Variants in PTPRR observed in about 807,000 individuals in gnomAD.
PTPRR encodes protein tyrosine phosphatase receptor type R, also known as receptor-type tyrosine-protein phosphatase R.
In PTPRR, 38 loss-of-function variants were observed where a neutral mutation model predicts 77.2. The ratio of observed to expected loss-of-function variants is 0.49; its 90% CI spans 0.38 to 0.65. The LOEUF (loss-of-function observed/expected upper bound fraction) is 0.65, where lower values mean the gene tolerates loss of function less well. PTPRR is among the 30% of genes least tolerant of loss of function. The probability of loss-of-function intolerance (pLI) is 0.00; values close to 1 mark genes in which losing one functional copy is unlikely to be tolerated. For synonymous variants in PTPRR, 299 were observed against 283.1 expected (o/e 1.06, Z -0.57); for missense variants, 744 against 799.2 (o/e 0.93, Z 0.83).
intron 13 of PTPRR, among the ~76,000 whole-genome samples, chr12:70,652,254 A>G (rs988200939): frequency 2.4e-4 from 37 of 152,328 alleles, no homozygotes; most frequent in African/African-American, 8.7e-4. Flanking sequence ...AATTTTTAAA[A>G]TGAGGTATGA....
At chr12:70,867,908 A>G (rs1480579410) in intron 2 of PTPRR, among the ~76,000 whole-genome samples, 1 of 152,212 alleles carries the variant, frequency 6.6e-6, no homozygotes, top group Non-Finnish European at 1.5e-5. Flanking sequence ...CTGATCTTTG[A>G]CAAACCTGAC....
At chr12:70,778,819 G>A (rs1232085064) in intron 2 of PTPRR, among the ~76,000 whole-genome samples, 1 of 152,034 alleles carries the variant, frequency 6.6e-6, no homozygotes, top group African/African-American at 2.4e-5. Flanking sequence ...TGTGTTTATA[G>A]TTTCTTGGTC....
rs746595856 is a variant in PTPRR at position 70,658,883 on chromosome 12, GTTTTT to G, written c.1766+2052_1766+2056del. 8.6e-3 allele frequency among the ~76,000 whole-genome samples: 318 copies of G among 36,892 alleles called. No individual in the cohort carries two copies. The East Asian group carries it at 0.12, about 14-fold the overall frequency. The allele number at this position is 36,892 out of a possible 152,430, so 24.2% of individuals were successfully genotyped here. On this transcript the variant is annotated intron_variant, in intron 12 of 13. Coordinates refer to ENST00000283228, the MANE Select transcript of PTPRR (RefSeq NM_002849.4). Reference sequence around the variant, plus strand: ...TTCAACGTTAGGGACTTTTGCTCTAGTTTTTTTTTTTTTTTTTTTTTTTTTTTTTT... The same window carrying G: ...TTCAACGTTAGGGACTTTTGCTCTAGTTTTTTTTTTTTTTTTTTTTTTTTT...
At chr12:70,902,433 G>A (rs1190499071) in intron 1 of PTPRR, among the ~76,000 whole-genome samples, 1 of 151,720 alleles carries the variant, frequency 6.6e-6, no homozygotes, top group East Asian at 1.9e-4. Flanking sequence ...GTCAATCAAC[G>A]AGTGGGTAAA....
chr12:70,915,850 A>G (rs924861187), intron 1 of PTPRR, among the ~76,000 whole-genome samples: 1 of 152,148 alleles, frequency 6.6e-6, no homozygotes, highest in Non-Finnish European at 1.5e-5. Flanking sequence ...TATTAAATGC[A>G]AAAAGAAGAG....
intron 6 of PTPRR, among the ~76,000 whole-genome samples, chr12:70,740,503 G>A (rs1164355172): frequency 6.6e-6 from 1 of 152,020 alleles, no homozygotes; most frequent in East Asian, 1.9e-4. Flanking sequence ...CTCCTGAGTA[G>A]CTGGGACTAC....
intron 10 of PTPRR, chr12:70,671,799 G>T (rs962800488): frequency 1.8e-6 from 1 of 548,226 alleles, no homozygotes; most frequent in Non-Finnish European, 3.3e-6. Context: ...GCTGCTGCAT[G>T]CAGTTCCCCG....
At position 70,821,649 on chromosome 12, in the gene PTPRR, TGTATGTATGTAC is replaced by T. The variant is rs373614557; in HGVS notation, c.358-56883_358-56872del. On this transcript the variant is annotated intron_variant, in intron 2 of 13. Transcript: ENST00000283228. The stretch of plus-strand genomic sequence containing the variant: ...GAGAGCGTGGGGAGAAACCTATGTA[TGTATGTATGTAC>T]GTATGTATTTATTTTTTTGAGATGG... Among the ~76,000 whole-genome samples the T allele has an allele frequency of 1.4e-3, 216 of 151,874 alleles. 2 individuals carry two copies. Among genetic ancestry groups the T allele is most frequent in the African/African-American group, 5.0e-3 (209 of 41,430 alleles).
Position 70,890,011 on chromosome 12 carries a change from T to C in PTPRR, c.357+2668A>G, listed in dbSNP as rs181272212. Among the ~76,000 whole-genome samples, 273 of 152,294 alleles carry C rather than the reference T, an allele frequency of 1.8e-3. 1 individual carries two copies. The highest frequency in any genetic ancestry group is 6.4e-3 in the African/African-American group (264 of 41,572). ...CTGAACTGAAATGGCCTGTAGTTGCTACCATTCCACCATTTTCACTTGCAC... is the reference window on the plus strand; with the variant it reads ...CTGAACTGAAATGGCCTGTAGTTGCCACCATTCCACCATTTTCACTTGCAC... On this transcript the variant is annotated intron_variant, in intron 2 of 13. Transcript: ENST00000283228.
chr12:70,768,525 C>A (rs1245180583), intron 2 of PTPRR, among the ~76,000 whole-genome samples: 2 of 152,110 alleles, frequency 1.3e-5, no homozygotes, highest in Admixed American at 1.3e-4. Flanking sequence ...CAATAACTTA[C>A]CAACCAAAAA....
intron 1 of PTPRR, among the ~76,000 whole-genome samples, chr12:70,898,402 T>C (rs1022839235): frequency 2.7e-5 from 4 of 150,576 alleles, no homozygotes; most frequent in Non-Finnish European, 5.9e-5. Context: ...CTCTTATTTA[T>C]ATTGTTTTTC....
rs769771459 is a variant in PTPRR at position 70,661,017 on chromosome 12, G to C, written c.1689C>G (p.Pro563=). 6.2e-7 allele frequency: 1 copy of C among 1,613,692 alleles called. No homozygotes were observed. The highest frequency in any genetic ancestry group is 2.2e-5 in the East Asian group (1 of 44,872). The change falls in exon 12 of 14, where the codon CCC becomes CCG. Residue 563 remains proline, a synonymous_variant. Coordinates refer to ENST00000283228, the MANE Select transcript of PTPRR (RefSeq NM_002849.4). ...CTACATCCAGCATGAGCTGTAGGAGGGGCTGGGCACTGTCTGGAGTCTTGT... is the reference window on the plus strand; with the variant it reads ...CTACATCCAGCATGAGCTGTAGGAGCGGCTGGGCACTGTCTGGAGTCTTGT... ...PDHKTPDSAQ[P]LLQLMLDVEE... is the part of the protein sequence containing the mutation.
intron 6 of PTPRR, among the ~76,000 whole-genome samples, chr12:70,737,352 A>G (rs1889896031): frequency 6.6e-6 from 1 of 152,020 alleles, no homozygotes; most frequent in Non-Finnish European, 1.5e-5. Context: ...CATCATTTGG[A>G]CAAGAGCCCT....
At chr12:70,906,244 G>A (rs1016883217) in intron 1 of PTPRR, among the ~76,000 whole-genome samples, 5 of 151,666 alleles carry the variant, frequency 3.3e-5, no homozygotes, top group African/African-American at 1.2e-4. Context: ...AAATGTAGGT[G>A]GTTTTTGCAT....
chr12:70,820,329 T>C (rs1055617933), intron 2 of PTPRR, among the ~76,000 whole-genome samples: 1 of 152,140 alleles, frequency 6.6e-6, no homozygotes, highest in Admixed American at 6.5e-5. Context: ...AGCTCTTTTT[T>C]CTTTTTTCTT....
intron 10 of PTPRR, among the ~76,000 whole-genome samples, chr12:70,677,083 C>T (rs1269378818): frequency 6.6e-6 from 1 of 152,032 alleles, no homozygotes; most frequent in Non-Finnish European, 1.5e-5. Flanking sequence ...GTGTTCTCTA[C>T]AATTTCCTTC....
At chr12:70,915,019 A>G (rs1893755145) in intron 1 of PTPRR, among the ~76,000 whole-genome samples, 2 of 152,288 alleles carry the variant, frequency 1.3e-5, no homozygotes, top group South Asian at 4.1e-4. Context: ...GAAAAATAAC[A>G]AAAAATCAAT....
At chr12:70,751,365 G>A (rs575083419) in intron 5 of PTPRR, among the ~76,000 whole-genome samples, 1 of 152,028 alleles carries the variant, frequency 6.6e-6, no homozygotes, top group South Asian at 2.1e-4. Context: ...TTCTTCACTG[G>A]GATATTGCAG....
At chr12:70,860,336 T>C (rs1251223012) in intron 2 of PTPRR, among the ~76,000 whole-genome samples, 2 of 152,102 alleles carry the variant, frequency 1.3e-5, no homozygotes, top group African/African-American at 4.8e-5. Flanking sequence ...TGAAATTCTG[T>C]GTGACATTAT....
Sources: allele counts gnomAD v4.1 joint callset (sites outside exome capture counted in the v4.1 genomes callset), GRCh38; gene constraint gnomAD v4.1.1; transcripts MANE v1.5; gene names NCBI Gene and HGNC (gene_info 2026-07-23, HGNC 2026-07-21).